RUNX1: variants seen among roughly 807,000 people sequenced by gnomAD.
RUNX1 encodes runt-related transcription factor 1.
Under a neutral mutation model 42.8 loss-of-function variants are expected in RUNX1, and 19 were observed. The ratio of observed to expected loss-of-function variants is 0.44; its 90% CI spans 0.31 to 0.65. The LOEUF is 0.65. RUNX1 is among the 30% of genes least tolerant of loss of function. The pLI, the probability that RUNX1 is intolerant of heterozygous loss-of-function variation, is 0.07. For missense variants in RUNX1, 528 were observed against 672.0 expected (o/e 0.79, Z 2.37); for synonymous variants, 271 against 289.4 (o/e 0.94, Z 0.64).
intron 2 of RUNX1, among the ~76,000 whole-genome samples, chr21:35,027,924 C>T (rs1386656856): frequency 6.6e-6 from 1 of 152,186 alleles, no homozygotes; most frequent in East Asian, 1.9e-4. Context: ...TTGTGGCCTA[C>T]ATTTAAAAAT....
chr21:34,923,567 A>C (rs943534052), intron 2 of RUNX1, among the ~76,000 whole-genome samples: 4 of 152,204 alleles, frequency 2.6e-5, no homozygotes, highest in Admixed American at 2.6e-4. Flanking sequence ...TTGTTGACCT[A>C]GTTTATAAAG....
Position 34,788,582 on chromosome 21 carries a change from TAAC to T in RUNX1, c.*3550_*3552del, listed in dbSNP as rs1000060121. 8.6e-6 allele frequency: 2 copies of T among 232,954 alleles called. No homozygotes were observed. Among genetic ancestry groups the T allele is most frequent in the African/African-American group, 4.4e-5 (2 of 45,284 alleles). 14.4% of individuals were successfully genotyped at this position (232,954 alleles called of 1,614,324 possible). A position where few individuals can be genotyped will look rare whatever the true frequency, so the allele number is the denominator to read the frequency against. ...AAAATTGAAAAAAAGTTATAGGCAT[TAAC>T]AATATTTTATAATGAAGCTTAAAAT... On this transcript the variant is annotated 3_prime_UTR_variant, in exon 9 of 9. Coordinates refer to ENST00000675419, the MANE Select transcript of RUNX1 (RefSeq NM_001754.5).
intron 2 of RUNX1, among the ~76,000 whole-genome samples, chr21:34,974,254 C>T (rs1169060662): frequency 1.3e-5 from 2 of 152,090 alleles, no homozygotes; most frequent in African/African-American, 2.4e-5. Flanking sequence ...AATAAGTAAC[C>T]ACCAGTCACC....
Position 34,843,904 on chromosome 21 carries a change from G to C in RUNX1, c.614-9303C>G, listed in dbSNP as rs1601435060. Among the ~76,000 whole-genome samples, 1 of 152,232 alleles carries C rather than the reference G, an allele frequency of 6.6e-6. No individual in the cohort carries two copies. Among genetic ancestry groups the C allele is most frequent in the South Asian group, 2.1e-4 (1 of 4,830 alleles). On this transcript the variant is annotated intron_variant, in intron 6 of 8. Coordinates refer to ENST00000675419, the MANE Select transcript of RUNX1 (RefSeq NM_001754.5). The surrounding 1 kb of genome is among the most constrained non-coding windows in gnomAD (Gnocchi z 4.8). Reference sequence around the variant, plus strand: ...TGACTAAGGAGGTAACTTGAGCTCAGGGCAGAGAAGCCACCTGCTGGCTTT... The same window carrying C: ...TGACTAAGGAGGTAACTTGAGCTCACGGCAGAGAAGCCACCTGCTGGCTTT...
intron 5 of RUNX1, among the ~76,000 whole-genome samples, chr21:34,873,246 T>C (rs970305095): frequency 1.3e-5 from 2 of 152,162 alleles, no homozygotes; most frequent in Non-Finnish European, 2.9e-5. Flanking sequence ...CCAATTATGC[T>C]CAATCTGCCC....
chr21:34,999,182 C>T (rs1222577369), intron 2 of RUNX1, among the ~76,000 whole-genome samples: 1 of 152,216 alleles, frequency 6.6e-6, no homozygotes, highest in African/African-American at 2.4e-5. Flanking sequence ...AGCTTGGAGG[C>T]TGGGGTGATC....
intron 2 of RUNX1, chr21:35,038,520 C>A: frequency 2.2e-6 from 1 of 454,398 alleles, no homozygotes; most frequent in Non-Finnish European, 4.4e-6. Context: ...TTCAGTACAT[C>A]CTGGGGAGAA....
At chr21:35,000,266 A>G (rs1190936146) in intron 2 of RUNX1, among the ~76,000 whole-genome samples, 8 of 128,170 alleles carry the variant, frequency 6.2e-5, no homozygotes, top group African/African-American at 2.1e-4. Flanking sequence ...TTTGAGACAG[A>G]GTCTTGCTCT....
intron 2 of RUNX1, among the ~76,000 whole-genome samples, chr21:34,989,235 C>T (rs543779893): frequency 1.3e-5 from 2 of 152,130 alleles, no homozygotes; most frequent in Admixed American, 1.3e-4. Context: ...TCTTGAACTC[C>T]TGGCCTCAGG....
chr21:34,838,027 T>C (rs1043308747), intron 6 of RUNX1, among the ~76,000 whole-genome samples: 3 of 152,194 alleles, frequency 2.0e-5, no homozygotes, highest in Admixed American at 6.5e-5. Context: ...GTTTGCAAAA[T>C]TTTACTTCAT....
chr21:34,887,214 G>A, intron 3 of RUNX1, 118 bp from the exon 4 acceptor site: 1 of 1,297,200 alleles, frequency 7.7e-7, no homozygotes, highest in Non-Finnish European at 1.0e-6. Context: ...CAACATACAC[G>A]TTCAGGGGCC....
intron 8 of RUNX1, among the ~76,000 whole-genome samples, chr21:34,793,561 A>C (rs2056480784): frequency 6.6e-6 from 1 of 152,184 alleles, no homozygotes; most frequent in South Asian, 2.1e-4. Context: ...AAATGACAGG[A>C]AATTCAAACT....
At chr21:34,887,855 C>G (rs888613896) in intron 3 of RUNX1, 30 of 1,064,944 alleles carry the variant, frequency 2.8e-5, no homozygotes, top group Non-Finnish European at 3.3e-5. Context: ...GCTAGAAGTA[C>G]TTGTCATGTT....
chr21:34,934,009 A>G (rs1184807687), intron 2 of RUNX1, among the ~76,000 whole-genome samples: 3 of 152,142 alleles, frequency 2.0e-5, no homozygotes, highest in African/African-American at 7.2e-5. Context: ...TTAATACTGT[A>G]TTGGGTGAAC....
In RUNX1 at chr21:34,979,614, T is replaced by C. The variant is rs547531848; in HGVS notation, c.58+69228A>G. 5.0e-4 allele frequency among the ~76,000 whole-genome samples: 76 copies of C among 152,222 alleles called. 1 individual carries two copies. Among genetic ancestry groups the C allele is most frequent in the Non-Finnish European group, 9.6e-4 (65 of 68,030 alleles). On this transcript the variant is annotated intron_variant, in intron 2 of 8. Coordinates refer to ENST00000675419, the MANE Select transcript of RUNX1 (RefSeq NM_001754.5). ...TTAATTATTTTATGACAGCGTTTCTTTCCTTCTGAATGGTTGTTACCAGCG... is the reference window on the plus strand; with the variant it reads ...TTAATTATTTTATGACAGCGTTTCTCTCCTTCTGAATGGTTGTTACCAGCG...
At chr21:34,861,304 G>A (rs1219371789) in intron 5 of RUNX1, among the ~76,000 whole-genome samples, 1 of 152,220 alleles carries the variant, frequency 6.6e-6, no homozygotes, top group Non-Finnish European at 1.5e-5. Context: ...GTGATGTGAT[G>A]TGGAGGAAGA....
intron 5 of RUNX1, among the ~76,000 whole-genome samples, chr21:34,877,504 T>G (rs1422686359): frequency 6.6e-6 from 1 of 152,112 alleles, no homozygotes; most frequent in Non-Finnish European, 1.5e-5. Flanking sequence ...GCGGTCGATT[T>G]ACATGGAGAT....
At chr21:34,931,758 G>A (rs2058449132) in intron 2 of RUNX1, among the ~76,000 whole-genome samples, 1 of 151,652 alleles carries the variant, frequency 6.6e-6, no homozygotes, top group Non-Finnish European at 1.5e-5. Context: ...ACAGGCAAGA[G>A]GGGAAGATGT....
In RUNX1 at chr21:34,792,742, G is replaced by A. The variant is rs2056465763; in HGVS notation, c.968-132C>T. On this transcript the variant is annotated intron_variant, in intron 8 of 8. Transcript: ENST00000675419. This position sits in a 1 kb window ranked among gnomAD's most constrained non-coding sequence, Gnocchi z 6.9. ...ATGGGAAGCCACCCAGGATGCTACT[G>A]CTGGGGAGGACGGGGACCACCCGGG... is the stretch of plus-strand genomic sequence containing the variant. 5.6e-6 allele frequency: 5 copies of A among 895,560 alleles called. No individual in the cohort carries two copies. The highest frequency in any genetic ancestry group is 8.3e-6 in the Non-Finnish European group (5 of 604,012). The allele number at this position is 895,560 out of a possible 1,614,324, so 55.5% of individuals were successfully genotyped here. A position where few individuals can be genotyped will look rare whatever the true frequency, so the allele number is the denominator to read the frequency against.
Sources: allele counts gnomAD v4.1 joint callset (sites outside exome capture counted in the v4.1 genomes callset), GRCh38; gene constraint gnomAD v4.1.1; non-coding constraint Gnocchi (gnomAD v3.1); transcripts MANE v1.5; gene names NCBI Gene and HGNC (gene_info 2026-07-23, HGNC 2026-07-21).